Variants in BTLA observed in about 807,000 individuals in gnomAD.
BTLA encodes B- and T-lymphocyte attenuator.
In BTLA, 11 loss-of-function variants were observed where a neutral mutation model predicts 25.0. The ratio of observed to expected loss-of-function variants is 0.44; its 90% CI spans 0.28 to 0.73. The LOEUF (loss-of-function observed/expected upper bound fraction) is 0.73. Among genes scored for constraint, BTLA ranks in the 30% least tolerant of loss-of-function variants. The pLI is 0.15. For synonymous variants in BTLA, 104 were observed against 119.8 expected (o/e 0.87, Z 0.86); for missense variants, 282 against 332.8 (o/e 0.85, Z 1.19).
chr3:112,488,228 C>CT (rs546779181), intron 1 of BTLA, among the ~76,000 whole-genome samples: 106,579 of 124,398 alleles, frequency 0.86, 46,813 homozygotes, highest in Non-Finnish European at 0.93. Flanking sequence ...TTTCTTTTTT[C>CT]TTTTTTTTTT....
intron 3 of BTLA, chr3:112,470,184 A>T (rs531680486): frequency 1.3e-5 from 2 of 157,498 alleles, no homozygotes; most frequent in East Asian, 3.7e-4. Flanking sequence ...AAATCAAAAG[A>T]TTTATCCCTG....
chr3:112,480,665 A>T (rs1418288234), intron 1 of BTLA, among the ~76,000 whole-genome samples: 1 of 152,214 alleles, frequency 6.6e-6, no homozygotes, highest in Non-Finnish European at 1.5e-5. Flanking sequence ...TAACGAATCC[A>T]TTCCTACAAT....
intron 3 of BTLA, among the ~76,000 whole-genome samples, chr3:112,470,759 G>A (rs888726179): frequency 6.6e-6 from 1 of 152,086 alleles, no homozygotes; most frequent in Non-Finnish European, 1.5e-5. Flanking sequence ...ATTTTCTCTG[G>A]GGACATTGGT....
intron 1 of BTLA, among the ~76,000 whole-genome samples, chr3:112,498,438 A>G (rs1459909557): frequency 6.6e-6 from 1 of 152,100 alleles, no homozygotes; most frequent in African/African-American, 2.4e-5. Flanking sequence ...TTGTCTCAAA[A>G]AAATAAAAAA....
chr3:112,480,673 A>G lies in BTLA; in HGVS notation c.89-904T>C, dbSNP rs181164954. 2.2e-4 allele frequency among the ~76,000 whole-genome samples: 34 copies of G among 152,292 alleles called. No homozygotes were observed. The East Asian group carries it at 6.6e-3, about 29-fold the overall frequency. ...CCCGTGATAACGAATCCATTCCTACAATAAGGGCATTAATACATTCATAAC... is the reference window on the plus strand; with the variant it reads ...CCCGTGATAACGAATCCATTCCTACGATAAGGGCATTAATACATTCATAAC... On this transcript the variant is annotated intron_variant, in intron 1 of 4. Transcript: ENST00000334529.
chr3:112,475,240 T>C (rs1245629199), intron 2 of BTLA, among the ~76,000 whole-genome samples: 2 of 152,020 alleles, frequency 1.3e-5, no homozygotes, highest in Non-Finnish European at 2.9e-5. Context: ...AACAAACTGA[T>C]AAGGAAGGGA....
At chr3:112,473,163 T>G (rs2082271868) in intron 2 of BTLA, among the ~76,000 whole-genome samples, 1 of 151,552 alleles carries the variant, frequency 6.6e-6, no homozygotes, top group African/African-American at 2.4e-5. Flanking sequence ...ACAAGGTAAA[T>G]AACTGAAATT....
intron 2 of BTLA, among the ~76,000 whole-genome samples, chr3:112,479,165 A>G (rs1343282429): frequency 1.3e-5 from 2 of 152,170 alleles, no homozygotes; most frequent in African/African-American, 2.4e-5. Context: ...AATTTTTTCA[A>G]TATTTCAGTG....
intron 1 of BTLA, among the ~76,000 whole-genome samples, chr3:112,490,613 A>G (rs2107335597): frequency 6.6e-6 from 1 of 151,274 alleles, no homozygotes; most frequent in South Asian, 2.1e-4. Flanking sequence ...AAACACACAC[A>G]CACACACACA....
At chr3:112,480,410 C>T (rs1284154555) in intron 1 of BTLA, among the ~76,000 whole-genome samples, 2 of 152,226 alleles carry the variant, frequency 1.3e-5, no homozygotes, top group African/African-American at 4.8e-5. Context: ...ACATGAGACA[C>T]TGTCTTAGTC....
intron 4 of BTLA, among the ~76,000 whole-genome samples, chr3:112,467,517 G>T (rs1214955912): frequency 6.6e-6 from 1 of 152,198 alleles, no homozygotes; most frequent in Non-Finnish European, 1.5e-5. Context: ...AAGGTATCAA[G>T]TCCACTGTCT....
At chr3:112,472,686 C>T (rs1250591031) in intron 2 of BTLA, among the ~76,000 whole-genome samples, 3 of 151,766 alleles carry the variant, frequency 2.0e-5, no homozygotes, top group African/African-American at 4.8e-5. Context: ...GAGTAAGACT[C>T]CATCTCAAAC....
chr3:112,468,212 G>A (rs944428126), intron 4 of BTLA, among the ~76,000 whole-genome samples: 2 of 152,178 alleles, frequency 1.3e-5, no homozygotes. Flanking sequence ...CCTTTTAAGT[G>A]TACAATTCAG....
intron 2 of BTLA, 22 bp downstream of exon 2, chr3:112,479,433 G>T: frequency 6.4e-7 from 1 of 1,566,168 alleles, no homozygotes; most frequent in Non-Finnish European, 8.7e-7. Flanking sequence ...AATATCAGAT[G>T]GTCTAGGTGT....
chr3:112,473,611 CTTT>C (rs777897332), intron 2 of BTLA, among the ~76,000 whole-genome samples: 42 of 115,154 alleles, frequency 3.6e-4, no homozygotes, highest in African/African-American at 1.5e-3. Context: ...TTTTCTTCTT[CTTT>C]TTTTTTTTTT....
In BTLA at chr3:112,465,485, T is replaced by G. The variant is rs1000761021; in HGVS notation, c.*623A>C. On this transcript the variant is annotated 3_prime_UTR_variant, in exon 5 of 5. Transcript: ENST00000334529. ...AATCTAACAGAGTAGATATAAGCAT[T>G]TGTTTGCCAGGTATGTGGAACATCT... 6.6e-6 allele frequency: 1 copy of G among 152,662 alleles called. No homozygotes were observed. The highest frequency in any genetic ancestry group is 2.4e-5 in the African/African-American group (1 of 41,458). 9.5% of individuals were successfully genotyped at this position (152,662 alleles called of 1,614,324 possible).
chr3:112,483,435 A>C (rs868559398), intron 1 of BTLA, among the ~76,000 whole-genome samples: 1 of 151,598 alleles, frequency 6.6e-6, no homozygotes, highest in African/African-American at 2.4e-5. Flanking sequence ...GGCTTGAGCC[A>C]CCACACCTGG....
chr3:112,476,891 T>C (rs910431846), intron 2 of BTLA, among the ~76,000 whole-genome samples: 1 of 152,198 alleles, frequency 6.6e-6, no homozygotes, highest in African/African-American at 2.4e-5. Flanking sequence ...ACTTTCTGTC[T>C]CTATGGATTT....
rs2082211617 is a variant in BTLA at position 112,464,059 on chromosome 3, C to T, written c.*2049G>A. On this transcript the variant is annotated 3_prime_UTR_variant, in exon 5 of 5. Transcript: ENST00000334529. Reference sequence around the variant, plus strand: ...AAAACCATTAAATTATCTACATATTCTTTTTCTCAAACCCTCTATAAACTA... The same window carrying T: ...AAAACCATTAAATTATCTACATATTTTTTTTCTCAAACCCTCTATAAACTA... 1 of 397,266 alleles carries T rather than the reference C, an allele frequency of 2.5e-6. No homozygotes were observed. The highest frequency in any genetic ancestry group is 1.3e-4 in the South Asian group (1 of 7,838). 24.6% of individuals were successfully genotyped at this position (397,266 alleles called of 1,614,324 possible). A position where few individuals can be genotyped will look rare whatever the true frequency, so the allele number is the denominator to read the frequency against.
Sources: gnomAD v4.1 joint callset for allele counts (sites outside exome capture counted in the v4.1 genomes callset) on GRCh38, gnomAD v4.1.1 for gene constraint, MANE v1.5 for transcripts, NCBI Gene and HGNC (gene_info 2026-07-23, HGNC 2026-07-21) for gene names.